Variants in SGCZ observed in about 807,000 individuals in gnomAD.
SGCZ encodes the protein zeta-sarcoglycan.
Under a neutral mutation model 41.3 loss-of-function variants are expected in SGCZ, and 40 were observed. That is an observed-to-expected ratio of 0.97 (90% CI 0.75 to 1.26). The LOEUF is 1.26. SGCZ is among the 50% of genes most tolerant of loss of function. SGCZ has a pLI of 0.00. For missense variants in SGCZ, 552 were observed against 369.8 expected (o/e 1.49, Z -4.04); for synonymous variants, 206 against 137.5 (o/e 1.50, Z -3.49).
chr8:14,671,451 G>A (rs1291163364), intron 1 of SGCZ, among the ~76,000 whole-genome samples: 4 of 152,136 alleles, frequency 2.6e-5, no homozygotes, highest in Non-Finnish European at 5.9e-5. Flanking sequence ...CATATTCAAT[G>A]CTGCCTATTT....
intron 1 of SGCZ, among the ~76,000 whole-genome samples, chr8:15,198,911 G>T (rs1486587606): frequency 7.9e-5 from 12 of 152,166 alleles, no homozygotes. Context: ...AAAAGCATAG[G>T]TTTGCAGGCT....
rs749880094 is a variant in SGCZ at position 14,695,260 on chromosome 8, C to T, written c.40-140334G>A. 2.0e-5 allele frequency among the ~76,000 whole-genome samples: 3 copies of T among 152,140 alleles called. 1 individual carries two copies. Among genetic ancestry groups the T allele is most frequent in the East Asian group, 1.9e-4 (1 of 5,172 alleles). Reference sequence around the variant, plus strand: ...TTATGTATAATTCTCTTATGAAAAGCTCTTTTTTCATAGAGGAAAAACCTA... The same window carrying T: ...TTATGTATAATTCTCTTATGAAAAGTTCTTTTTTCATAGAGGAAAAACCTA... On this transcript the variant is annotated intron_variant, in intron 1 of 7. Transcript: ENST00000382080.
In SGCZ at chr8:15,015,687, CAA is replaced by C. The variant is rs61080299; in HGVS notation, c.39+221896_39+221897del. On this transcript the variant is annotated intron_variant, in intron 1 of 7. Transcript: ENST00000382080. ...TAGGCAACAGAGAGAGACTCCATCT[CAA>C]AAAAAAAAAAAAAAGAAAAGAAAAA... Among the ~76,000 whole-genome samples the C allele has an allele frequency of 7.8e-3, 950 of 121,760 alleles. 7 individuals are homozygous for C. Among genetic ancestry groups the C allele is most frequent in the African/African-American group, 0.028 (852 of 30,588 alleles). The allele number at this position is 121,760 out of a possible 152,430, so 79.9% of individuals were successfully genotyped here.
Position 15,098,491 on chromosome 8 carries a change from G to A in SGCZ, c.39+139094C>T, listed in dbSNP as rs1013424725. On this transcript the variant is annotated intron_variant, in intron 1 of 7. Transcript: ENST00000382080. ...CAAACTCATGTCTCCTAACTCTTTT[G>A]CTCCACAATTTACAGAAGAATGCTT... Among the ~76,000 whole-genome samples, 174 of 152,236 alleles carry A rather than the reference G, an allele frequency of 1.1e-3. 1 individual carries two copies. Among genetic ancestry groups the A allele is most frequent in the Admixed American group, 0.011 (171 of 15,288 alleles).
chr8:14,823,422 C>G lies in SGCZ; in HGVS notation c.40-268496G>C, dbSNP rs1297030618. On this transcript the variant is annotated intron_variant, in intron 1 of 7. Transcript: ENST00000382080. Reference sequence around the variant, plus strand: ...ATTCAATTAACAAATGGGCAACAGACCTTAACACACATTTCTCAAAAAAAT... The same window carrying G: ...ATTCAATTAACAAATGGGCAACAGAGCTTAACACACATTTCTCAAAAAAAT... 2.0e-5 allele frequency among the ~76,000 whole-genome samples: 3 copies of G among 152,126 alleles called. No homozygotes were observed. In the East Asian group the frequency reaches 5.8e-4, roughly 29 times the overall value.
chr8:14,721,698 A>G (rs1448813604), intron 1 of SGCZ, among the ~76,000 whole-genome samples: 1 of 152,200 alleles, frequency 6.6e-6, no homozygotes, highest in East Asian at 1.9e-4. Context: ...CAACTTTCTA[A>G]CAAAGCAATC....
intron 1 of SGCZ, chr8:14,879,289 C>T (rs1804487251): frequency 6.6e-6 from 1 of 152,028 alleles, no homozygotes; most frequent in African/African-American, 2.4e-5. Context: ...GATTATGCCA[C>T]CTCACTCCAG....
At chr8:14,243,455 A>C (rs1798963623) in intron 3 of SGCZ, among the ~76,000 whole-genome samples, 1 of 152,196 alleles carries the variant, frequency 6.6e-6, no homozygotes, top group South Asian at 2.1e-4. Flanking sequence ...GTTACTTAAA[A>C]ATACTTTTAA....
At chr8:14,438,969 G>A (rs919750084) in intron 2 of SGCZ, among the ~76,000 whole-genome samples, 2 of 151,862 alleles carry the variant, frequency 1.3e-5, no homozygotes, top group Non-Finnish European at 2.9e-5. Flanking sequence ...AATAATTTTT[G>A]TAAATCTTTG....
chr8:14,713,634 G>T (rs950678811), intron 1 of SGCZ, among the ~76,000 whole-genome samples: 4 of 141,892 alleles, frequency 2.8e-5, no homozygotes, highest in Non-Finnish European at 6.2e-5. Context: ...AATTGATCAG[G>T]AAATAAAACA....
intron 3 of SGCZ, among the ~76,000 whole-genome samples, chr8:14,301,725 G>C (rs1801197528): frequency 6.6e-6 from 1 of 152,114 alleles, no homozygotes. Context: ...ACAGTGAGAA[G>C]AATAACTTGC....
intron 1 of SGCZ, among the ~76,000 whole-genome samples, chr8:14,579,457 C>G (rs1804815234): frequency 6.6e-6 from 1 of 152,140 alleles, no homozygotes; most frequent in Non-Finnish European, 1.5e-5. Flanking sequence ...TTTTCTGAAT[C>G]AAGTGAAGCA....
intron 1 of SGCZ, among the ~76,000 whole-genome samples, chr8:15,105,778 T>C (rs1806801373): frequency 2.0e-5 from 3 of 152,214 alleles, no homozygotes; most frequent in Non-Finnish European, 4.4e-5. Flanking sequence ...CACTCATATA[T>C]ATAGCAAATC....
intron 1 of SGCZ, among the ~76,000 whole-genome samples, chr8:14,616,755 A>C (rs1277411524): frequency 1.3e-5 from 2 of 152,182 alleles, no homozygotes; most frequent in East Asian, 3.9e-4. Context: ...CCTTGAAAAT[A>C]ACAAATAAAT....
intron 1 of SGCZ, among the ~76,000 whole-genome samples, chr8:15,235,877 C>A (rs528096711): frequency 6.6e-6 from 1 of 152,216 alleles, no homozygotes; most frequent in South Asian, 2.1e-4. Flanking sequence ...ATCATACATT[C>A]TTCTTCGCAT....
chr8:14,765,282 A>G (rs1026093384), intron 1 of SGCZ, among the ~76,000 whole-genome samples: 2 of 152,228 alleles, frequency 1.3e-5, no homozygotes, highest in East Asian at 1.9e-4. Flanking sequence ...AACCTTTTCA[A>G]TGATAGAACT....
At chr8:14,332,918 T>C (rs1158648909) in intron 2 of SGCZ, among the ~76,000 whole-genome samples, 1 of 138,896 alleles carries the variant, frequency 7.2e-6, no homozygotes, top group Admixed American at 7.3e-5. Context: ...TACACACATA[T>C]ATATACATAT....
chr8:14,611,763 C>T (rs75740057), intron 1 of SGCZ, among the ~76,000 whole-genome samples: 2 of 151,880 alleles, frequency 1.3e-5, no homozygotes, highest in Non-Finnish European at 2.9e-5. Flanking sequence ...AGACTGGAAA[C>T]AATACAAATT....
chr8:15,046,508 T>C (rs1373628125), intron 1 of SGCZ, among the ~76,000 whole-genome samples: 3 of 152,024 alleles, frequency 2.0e-5, no homozygotes, highest in Non-Finnish European at 2.9e-5. Context: ...CTCTGCCAGT[T>C]TGCAGTGTTC....
Sources: gnomAD v4.1 joint callset for allele counts (sites outside exome capture counted in the v4.1 genomes callset) on GRCh38, gnomAD v4.1.1 for gene constraint, MANE v1.5 for transcripts, NCBI Gene and HGNC (gene_info 2026-07-23, HGNC 2026-07-21) for gene names.